SNTG1: variants seen among roughly 807,000 people sequenced by gnomAD.
SNTG1 encodes the protein gamma-1-syntrophin.
SNTG1 carries 39 observed loss-of-function variants against 74.7 expected under a neutral mutation model. The observed-to-expected ratio is 0.52, with a 90% CI of 0.40 to 0.68. The LOEUF (loss-of-function observed/expected upper bound fraction) is 0.68. SNTG1 is among the 30% of genes least tolerant of loss of function. The pLI is 0.00. For missense variants in SNTG1, 685 were observed against 609.5 expected (o/e 1.12, Z -1.30); for synonymous variants, 254 against 217.1 (o/e 1.17, Z -1.49).
At chr8:50,522,323 G>T (rs2094186183) in intron 9 of SNTG1, among the ~76,000 whole-genome samples, 1 of 152,040 alleles carries the variant, frequency 6.6e-6, no homozygotes, top group Non-Finnish European at 1.5e-5. Context: ...GTGTGTGTGT[G>T]TTTCTGAGCA....
At chr8:50,485,368 A>C (rs1160672811) in intron 8 of SNTG1, among the ~76,000 whole-genome samples, 1 of 152,234 alleles carries the variant, frequency 6.6e-6, no homozygotes, top group Admixed American at 6.5e-5. Context: ...GGTTTTTTAC[A>C]TAATGCTATT....
At chr8:49,927,488 C>G (rs1206035554) in intron 1 of SNTG1, among the ~76,000 whole-genome samples, 1 of 151,958 alleles carries the variant, frequency 6.6e-6, no homozygotes, top group African/African-American at 2.4e-5. Context: ...TTAATATTAA[C>G]TTACTTAAGA....
At chr8:50,767,343 C>T (rs748395372) in intron 18 of SNTG1, among the ~76,000 whole-genome samples, 2 of 151,968 alleles carry the variant, frequency 1.3e-5, no homozygotes, top group African/African-American at 4.8e-5. Flanking sequence ...TGAAGAAAAT[C>T]GTGTGGGTTT....
intron 2 of SNTG1, among the ~76,000 whole-genome samples, chr8:50,337,745 T>C (rs1236752588): frequency 1.3e-5 from 2 of 152,250 alleles, no homozygotes; most frequent in Non-Finnish European, 2.9e-5. Flanking sequence ...TATGGAATAC[T>C]TCCTCCTTTC....
intron 1 of SNTG1, among the ~76,000 whole-genome samples, chr8:50,010,504 AATGTATGATAGGATTACTAACACAT>A (rs1815672327): frequency 6.6e-6 from 1 of 152,162 alleles, no homozygotes; most frequent in African/African-American, 2.4e-5. Flanking sequence ...ACAAAATCTG[AATGTATGATAGGATTACTAACACAT>A]ATGGATGAAA....
At chr8:50,644,392 C>G (rs777958834) in intron 13 of SNTG1, 2 of 152,108 alleles carry the variant, frequency 1.3e-5, no homozygotes, top group African/African-American at 2.4e-5. Flanking sequence ...TTCTTCCCAG[C>G]CTACTCAACA....
chr8:50,569,580 T>C (rs1322414913), intron 12 of SNTG1, among the ~76,000 whole-genome samples: 5 of 151,412 alleles, frequency 3.3e-5, no homozygotes, highest in Non-Finnish European at 1.5e-5. Flanking sequence ...GTCTGCCACA[T>C]TGAAAAGGCT....
chr8:50,692,564 G>T (rs111662524), intron 15 of SNTG1, among the ~76,000 whole-genome samples: 1 of 152,056 alleles, frequency 6.6e-6, no homozygotes, highest in Non-Finnish European at 1.5e-5. Context: ...GCAGAACAGC[G>T]GACATTAGTG....
rs557218050 is a variant in SNTG1, at chr8:50,440,719, C to T, written c.219+2120C>T. 1.1e-4 allele frequency among the ~76,000 whole-genome samples: 17 copies of T among 152,158 alleles called. 1 individual carries two copies. In the South Asian group the frequency reaches 3.1e-3, roughly 28 times the overall value. The stretch of plus-strand genomic sequence containing the variant: ...CTCAGCGGCACACACCGGAAAGACT[C>T]GTGGTGAGAATTATTAATTAAAACC... On this transcript the variant is annotated intron_variant, in intron 5 of 18. Coordinates refer to ENST00000642720, the MANE Select transcript of SNTG1 (RefSeq NM_018967.5).
chr8:50,341,228 C>G (rs925817225), intron 2 of SNTG1, among the ~76,000 whole-genome samples: 1 of 151,852 alleles, frequency 6.6e-6, no homozygotes, highest in African/African-American at 2.4e-5. Context: ...CCCAGTACTC[C>G]TTTTGGAACA....
intron 15 of SNTG1, among the ~76,000 whole-genome samples, chr8:50,669,735 C>T (rs2095269762): frequency 6.6e-6 from 1 of 151,954 alleles, no homozygotes; most frequent in Non-Finnish European, 1.5e-5. Context: ...AGAGACACAA[C>T]CAAAAAAGAG....
chr8:50,527,878 C>T (rs1483286140), intron 9 of SNTG1, among the ~76,000 whole-genome samples: 1 of 151,838 alleles, frequency 6.6e-6, no homozygotes, highest in Non-Finnish European at 1.5e-5. Flanking sequence ...GGAATTATTG[C>T]ATATCTTTCA....
At chr8:50,208,289 C>T (rs2084342836) in intron 2 of SNTG1, among the ~76,000 whole-genome samples, 1 of 152,162 alleles carries the variant, frequency 6.6e-6, no homozygotes, top group African/African-American at 2.4e-5. Context: ...GTTAGCTCTT[C>T]TTGTTGAATT....
intron 9 of SNTG1, among the ~76,000 whole-genome samples, chr8:50,528,465 T>C (rs969256537): frequency 2.0e-5 from 3 of 152,018 alleles, no homozygotes. Context: ...AAATGGATTT[T>C]GAATGTAAAA....
intron 2 of SNTG1, among the ~76,000 whole-genome samples, chr8:50,242,000 T>G (rs1687225795): frequency 6.6e-6 from 1 of 151,728 alleles, no homozygotes; most frequent in Admixed American, 6.6e-5. Context: ...AAATGCTCCC[T>G]CTTAACTGGA....
At chr8:50,669,728 G>A (rs1247668082) in intron 15 of SNTG1, among the ~76,000 whole-genome samples, 1 of 152,110 alleles carries the variant, frequency 6.6e-6, no homozygotes, top group Non-Finnish European at 1.5e-5. Flanking sequence ...GCCTGGCAGA[G>A]ACACAACCAA....
chr8:50,304,964 A>G (rs1475709919), intron 2 of SNTG1, among the ~76,000 whole-genome samples: 2 of 151,950 alleles, frequency 1.3e-5, no homozygotes, highest in Non-Finnish European at 2.9e-5. Context: ...GTGCAATGGC[A>G]TGATCTCGGC....
At chr8:49,910,605 C>CG (rs1197912377), upstream of SNTG1, among the ~76,000 whole-genome samples, 3 of 152,156 alleles carry the variant, frequency 2.0e-5, no homozygotes, top group Non-Finnish European at 4.4e-5. Context: ...TGACAGCACT[C>CG]GGGACCACGC....
At chr8:50,611,512 T>C (rs1004333412) in intron 13 of SNTG1, among the ~76,000 whole-genome samples, 2 of 152,138 alleles carry the variant, frequency 1.3e-5, no homozygotes, top group Admixed American at 6.6e-5. Context: ...AAATTTTTAT[T>C]CAGAAAAAAG....
Sources: gnomAD v4.1 joint callset for allele counts (sites outside exome capture counted in the v4.1 genomes callset) on GRCh38, gnomAD v4.1.1 for gene constraint, MANE v1.5 for transcripts, NCBI Gene and HGNC (gene_info 2026-07-23, HGNC 2026-07-21) for gene names.